ASPH: variants seen among roughly 807,000 people sequenced by gnomAD.
ASPH encodes aspartyl/asparaginyl beta-hydroxylase.
ASPH carries 100 observed loss-of-function variants against 118.4 expected under a neutral mutation model. The observed-to-expected ratio is 0.84, with a 90% CI of 0.72 to 1.00. The LOEUF is 1.00. Among genes scored for constraint, ASPH ranks in the 50% least tolerant of loss-of-function variants. The pLI, the probability that ASPH is intolerant of heterozygous loss-of-function variation, is 0.00. For missense variants in ASPH, 920 were observed against 919.5 expected (o/e 1.00, Z -0.01); for synonymous variants, 315 against 325.6 (o/e 0.97, Z 0.35).
Position 61,614,129 on chromosome 8 carries a change from C to CT in ASPH, c.976+4848dup, listed in dbSNP as rs915803687. Among the ~76,000 whole-genome samples the CT allele has an allele frequency of 3.5e-4, 53 of 151,760 alleles. 1 individual carries two copies. The highest frequency in any genetic ancestry group is 1.2e-3 in the African/African-American group (50 of 41,378). The stretch of plus-strand genomic sequence containing the variant: ...TGTTTTGTTAGGGCCCTGATTATGA[C>CT]TTTAAAAAAAAATACAAATAGTACC... On this transcript the variant is annotated intron_variant, in intron 14 of 24. Coordinates refer to ENST00000379454, the MANE Select transcript of ASPH (RefSeq NM_004318.4).
intron 14 of ASPH, chr8:61,607,410 G>A (rs997328812): frequency 1.3e-5 from 8 of 599,462 alleles, no homozygotes; most frequent in African/African-American, 9.4e-5. Flanking sequence ...TGAACTCAAA[G>A]GCAAAAATCA....
chr8:61,638,122 T>C, intron 11 of ASPH, 119 bp from the exon 12 acceptor site: 1 of 1,219,158 alleles, frequency 8.2e-7, no homozygotes, highest in Non-Finnish European at 1.1e-6. Flanking sequence ...TTGCTAAATT[T>C]GACTCTTTTT....
intron 16 of ASPH, among the ~76,000 whole-genome samples, chr8:61,568,095 G>A (rs998571451): frequency 6.6e-6 from 1 of 152,176 alleles, no homozygotes; most frequent in Non-Finnish European, 1.5e-5. Flanking sequence ...AGTAGGGCCT[G>A]GCAAGATATT....
intron 15 of ASPH, among the ~76,000 whole-genome samples, chr8:61,577,344 A>G (rs1835537991): frequency 6.8e-6 from 1 of 146,212 alleles, no homozygotes; most frequent in African/African-American, 2.7e-5. Context: ...ATAAAAACAT[A>G]AATAAATAAT....
chr8:61,546,081 A>G (rs73685081), intron 21 of ASPH, among the ~76,000 whole-genome samples: 1 of 152,272 alleles, frequency 6.6e-6, no homozygotes, highest in African/African-American at 2.4e-5. Context: ...GGTTTCCAGA[A>G]GGCCATTTAC....
At chr8:61,675,945 T>C in intron 3 of ASPH, 1 of 1,506,502 alleles carries the variant, frequency 6.6e-7, no homozygotes, top group Non-Finnish European at 8.8e-7. Flanking sequence ...CAAGATCACA[T>C]GGTTGACTTG....
At chr8:61,579,394 G>A (rs1836617154) in intron 15 of ASPH, 2 of 1,613,754 alleles carry the variant, frequency 1.2e-6, no homozygotes, top group African/African-American at 2.7e-5. Flanking sequence ...GCCACCTACA[G>A]GAAGCTGCTG....
At chr8:61,558,194 T>C in intron 18 of ASPH, among the ~76,000 whole-genome samples, 1 of 151,506 alleles carries the variant, frequency 6.6e-6, no homozygotes, top group East Asian at 1.9e-4. Context: ...CATGCAGGGG[T>C]TATATAAGAG....
intron 14 of ASPH, among the ~76,000 whole-genome samples, chr8:61,601,492 A>G (rs1456665259): frequency 6.6e-6 from 1 of 150,506 alleles, no homozygotes; most frequent in Non-Finnish European, 1.5e-5. Flanking sequence ...GTGAGCCAAG[A>G]TTGCGCCAGT....
chr8:61,642,636 C>T (rs540995640), intron 10 of ASPH, among the ~76,000 whole-genome samples: 140 of 152,098 alleles, frequency 9.2e-4, no homozygotes, highest in Non-Finnish European at 1.3e-3. Context: ...GAGGCCAAGG[C>T]GGGAGGATCA....
intron 10 of ASPH, among the ~76,000 whole-genome samples, chr8:61,638,760 C>A (rs896395852): frequency 1.3e-5 from 2 of 152,138 alleles, no homozygotes; most frequent in Non-Finnish European, 2.9e-5. Flanking sequence ...GCCGCCAGCC[C>A]CTGAGAATGA....
At chr8:61,539,699 G>GGTGTGTGTGTGTGTGTGTGT (rs10522481) in intron 21 of ASPH, among the ~76,000 whole-genome samples, 8,896 of 123,778 alleles carry the variant, frequency 0.072, 609 homozygotes, top group Non-Finnish European at 0.1. Flanking sequence ...ACACTTCTGG[G>GGTGTGTGTGTGTGTGTGTGT]GTGTGTGTGT....
At chr8:61,582,597 A>G (rs1837917052) in intron 15 of ASPH, among the ~76,000 whole-genome samples, 1 of 152,210 alleles carries the variant, frequency 6.6e-6, no homozygotes, top group African/African-American at 2.4e-5. Flanking sequence ...TTGCTGCAAT[A>G]TTCTGTGGAG....
chr8:61,671,950 G>A (rs1243023715), intron 3 of ASPH, among the ~76,000 whole-genome samples: 1 of 152,338 alleles, frequency 6.6e-6, no homozygotes, highest in East Asian at 1.9e-4. Flanking sequence ...TCTAGAATTG[G>A]TCTGGATATC....
chr8:61,531,716 G>C (rs1043676692), intron 21 of ASPH, among the ~76,000 whole-genome samples: 6 of 151,876 alleles, frequency 4.0e-5, no homozygotes, highest in African/African-American at 7.3e-5. Flanking sequence ...CCCACTCCCA[G>C]GCAACCACTG....
chr8:61,565,231 A>G lies in ASPH; in HGVS notation c.1300+1937T>C, dbSNP rs531850260. Among the ~76,000 whole-genome samples, 89 of 152,090 alleles carry G rather than the reference A, an allele frequency of 5.9e-4. 1 individual carries two copies. The Middle Eastern group carries it at 0.027, about 47-fold the overall frequency. Reference sequence around the variant, plus strand: ...TTCAAAGTATTTGCAAATTTACTTCATGTTTTTTTTTCTAGCATTTTCCTT... The same window carrying G: ...TTCAAAGTATTTGCAAATTTACTTCGTGTTTTTTTTTCTAGCATTTTCCTT... On this transcript the variant is annotated intron_variant, in intron 17 of 24. Transcript: ENST00000379454.
At chr8:61,586,174 T>C (rs1839388879) in intron 14 of ASPH, among the ~76,000 whole-genome samples, 2 of 152,198 alleles carry the variant, frequency 1.3e-5, no homozygotes, top group African/African-American at 2.4e-5. Context: ...CCTCTTGAAT[T>C]TCTCTTTATT....
At chr8:61,580,383 T>C (rs1481006922) in intron 15 of ASPH, among the ~76,000 whole-genome samples, 1 of 152,196 alleles carries the variant, frequency 6.6e-6, no homozygotes, top group Non-Finnish European at 1.5e-5. Context: ...ATCCAGGCAA[T>C]TCAATACACG....
chr8:61,655,951 T>G (rs1213282206), intron 3 of ASPH, among the ~76,000 whole-genome samples: 6 of 152,196 alleles, frequency 3.9e-5, no homozygotes, highest in African/African-American at 1.4e-4. Flanking sequence ...AAACACATTC[T>G]AGACTATAAT....
Sources: allele counts gnomAD v4.1 joint callset (sites outside exome capture counted in the v4.1 genomes callset), GRCh38; gene constraint gnomAD v4.1.1; transcripts MANE v1.5; gene names NCBI Gene and HGNC (gene_info 2026-07-23, HGNC 2026-07-21).